The following RBPMS2 variants were observed in gnomAD, a reference collection of about 807,000 sequenced individuals.
RBPMS2 encodes RNA binding protein, mRNA processing factor 2.
RBPMS2 carries 14 observed loss-of-function variants against 25.7 expected under a neutral mutation model. That is an observed-to-expected ratio of 0.55 (90% CI 0.36 to 0.85). The LOEUF (loss-of-function observed/expected upper bound fraction) is 0.85. Ranked by LOEUF, RBPMS2 falls within the 40% of genes least tolerant of loss-of-function variation. The pLI is 0.01. For missense variants in RBPMS2, 252 were observed against 283.4 expected (o/e 0.89, Z 0.80); for synonymous variants, 127 against 115.6 (o/e 1.10, Z -0.63).
chr15:64,756,611 C>T (rs1305083783), intron 1 of RBPMS2, among the ~76,000 whole-genome samples: 1 of 150,744 alleles, frequency 6.6e-6, no homozygotes, highest in African/African-American at 2.4e-5. Context: ...TTCATCTTTC[C>T]GAATCTCAGT....
chr15:64,771,021 C>T (rs889836108), intron 1 of RBPMS2, among the ~76,000 whole-genome samples: 4 of 152,204 alleles, frequency 2.6e-5, no homozygotes, highest in Non-Finnish European at 4.4e-5. Flanking sequence ...CTGTAGCCCC[C>T]TTAGCTGCCA....
chr15:64,767,068 GCCA>G (rs2083852953), intron 1 of RBPMS2, among the ~76,000 whole-genome samples: 2 of 152,208 alleles, frequency 1.3e-5, no homozygotes, highest in South Asian at 4.2e-4. Flanking sequence ...ACAGGCATAA[GCCA>G]CCGAGTTTTT....
At chr15:64,761,709 T>TTC (rs1555431163) in intron 1 of RBPMS2, among the ~76,000 whole-genome samples, 1 of 145,562 alleles carries the variant, frequency 6.9e-6, no homozygotes, top group East Asian at 2.0e-4. Flanking sequence ...TTTTTTTTTT[T>TTC]TTTTTTTTTT....
At chr15:64,767,833 C>T (rs1216776448) in intron 1 of RBPMS2, among the ~76,000 whole-genome samples, 2 of 152,306 alleles carry the variant, frequency 1.3e-5, no homozygotes, top group African/African-American at 4.8e-5. Flanking sequence ...TCACACCCAG[C>T]TACTTTTTTG....
intron 2 of RBPMS2, 96 bp downstream of exon 2, chr15:64,751,465 C>G: frequency 9.7e-7 from 1 of 1,027,680 alleles, no homozygotes; most frequent in Middle Eastern, 2.1e-4. Context: ...CACGCCTTCC[C>G]GCATCATCCT....
chr15:64,750,323 A>C lies in RBPMS2; in HGVS notation c.204+20T>G. ...AGCCGGTCTGGGCTGGGAGGAAGAA[A>C]ACCCTAGGAGAGAAATTACCTGTCT... is the stretch of plus-strand genomic sequence containing the variant. On this transcript the variant is annotated intron_variant, in intron 3 of 7. Transcript: ENST00000300069. The C allele has an allele frequency of 1.2e-6, 2 of 1,611,138 alleles. No homozygotes were observed. The highest frequency in any genetic ancestry group is 1.7e-6 in the Non-Finnish European group (2 of 1,177,364).
At chr15:64,753,351 C>G (rs1411878708) in intron 1 of RBPMS2, among the ~76,000 whole-genome samples, 2 of 152,200 alleles carry the variant, frequency 1.3e-5, no homozygotes, top group African/African-American at 4.8e-5. Flanking sequence ...ACTTGCTCCG[C>G]TCTCTAGTGA....
intron 1 of RBPMS2, among the ~76,000 whole-genome samples, chr15:64,762,041 G>A (rs1301705085): frequency 6.6e-6 from 1 of 151,966 alleles, no homozygotes; most frequent in Non-Finnish European, 1.5e-5. Flanking sequence ...GTGTAGAGGT[G>A]GGGTCTCACC....
At chr15:64,774,453 T>C (rs2083913530) in intron 1 of RBPMS2, among the ~76,000 whole-genome samples, 1 of 152,052 alleles carries the variant, frequency 6.6e-6, no homozygotes, top group African/African-American at 2.4e-5. Context: ...ACCACCCAGC[T>C]GCTGGTGGTT....
intron 7 of RBPMS2, 83 bp from the exon 8 acceptor site, chr15:64,741,083 C>T: frequency 9.6e-7 from 1 of 1,042,966 alleles, no homozygotes; most frequent in South Asian, 1.4e-5. Flanking sequence ...CGGCTAAGCT[C>T]TTGAGACCCG....
intron 1 of RBPMS2, among the ~76,000 whole-genome samples, chr15:64,756,820 TGG>T (rs1567067211): frequency 1.8e-4 from 1 of 5,446 alleles, no homozygotes; most frequent in Admixed American, 7.2e-3. Flanking sequence ...TTTTTTTTTT[TGG>T]AGAGACAGGG....
At chr15:64,754,005 C>G (rs1279994200) in intron 1 of RBPMS2, among the ~76,000 whole-genome samples, 1 of 152,034 alleles carries the variant, frequency 6.6e-6, no homozygotes, top group Non-Finnish European at 1.5e-5. Flanking sequence ...AGGCAGCAGA[C>G]CTGGAACTCA....
intron 1 of RBPMS2, among the ~76,000 whole-genome samples, chr15:64,756,162 C>G (rs1223148075): frequency 6.6e-6 from 1 of 152,178 alleles, no homozygotes. Flanking sequence ...TCAGTCCCTG[C>G]AGAGAAGAAA....
chr15:64,751,866 C>T (rs2083684892), intron 1 of RBPMS2, among the ~76,000 whole-genome samples: 3 of 152,136 alleles, frequency 2.0e-5, no homozygotes, highest in Non-Finnish European at 4.4e-5. Context: ...GCTGCGTCTG[C>T]CGGATGCCTC....
intron 1 of RBPMS2, among the ~76,000 whole-genome samples, chr15:64,755,572 C>T (rs999241998): frequency 1.3e-5 from 2 of 152,132 alleles, no homozygotes; most frequent in African/African-American, 4.8e-5. Context: ...GACCAGGCAC[C>T]CTGACTCTGC....
At chr15:64,752,526 G>A (rs1396066650) in intron 1 of RBPMS2, among the ~76,000 whole-genome samples, 1 of 152,142 alleles carries the variant, frequency 6.6e-6, no homozygotes, top group Non-Finnish European at 1.5e-5. Flanking sequence ...GACTGAACAG[G>A]GTAATGGGTA....
intron 1 of RBPMS2, among the ~76,000 whole-genome samples, chr15:64,761,741 C>T (rs1489508793): frequency 1.7e-5 from 2 of 118,642 alleles, no homozygotes; most frequent in African/African-American, 3.1e-5. Context: ...CTCACTCTGT[C>T]GCCCAGGCTG....
At chr15:64,759,948 CA>C (rs2083768228) in intron 1 of RBPMS2, among the ~76,000 whole-genome samples, 1 of 152,198 alleles carries the variant, frequency 6.6e-6, no homozygotes, top group East Asian at 1.9e-4. Flanking sequence ...TCTGGGATTA[CA>C]GGCGTGAGCC....
intron 2 of RBPMS2, among the ~76,000 whole-genome samples, chr15:64,750,594 G>A (rs2083668330): frequency 6.6e-6 from 1 of 152,196 alleles, no homozygotes; most frequent in Non-Finnish European, 1.5e-5. Context: ...GCATCACGCG[G>A]CAGCACTCAT....
Sources: allele counts gnomAD v4.1 joint callset (sites outside exome capture counted in the v4.1 genomes callset), GRCh38; gene constraint gnomAD v4.1.1; transcripts MANE v1.5; gene names NCBI Gene and HGNC (gene_info 2026-07-23, HGNC 2026-07-21).